The following AEBP2 variants were observed in gnomAD, a reference collection of about 807,000 sequenced individuals.
AEBP2 encodes AE binding protein 2.
Under a neutral mutation model 50.8 loss-of-function variants are expected in AEBP2, and 10 were observed. The observed-to-expected ratio is 0.20, with a 90% CI of 0.12 to 0.33. The LOEUF (loss-of-function observed/expected upper bound fraction) is 0.33, where lower values mean the gene tolerates loss of function less well. Ranked by LOEUF, AEBP2 falls within the 10% of genes least tolerant of loss-of-function variation. The pLI, the probability that AEBP2 is intolerant of heterozygous loss-of-function variation, is 1.00. For synonymous variants in AEBP2, 296 were observed against 261.3 expected (o/e 1.13, Z -1.28); for missense variants, 570 against 688.0 (o/e 0.83, Z 1.92).
chr12:19,440,663 C>T (rs1220236789), intron 1 of AEBP2: 4 of 1,532,054 alleles, frequency 2.6e-6, no homozygotes, highest in Non-Finnish European at 3.5e-6. Context: ...AAACAGTCCC[C>T]AAACGGGCCC....
rs112890313 is a variant in AEBP2, at chr12:19,465,869, A to G, written c.879+3152A>G. Among the ~76,000 whole-genome samples, 431 of 145,942 alleles carry G rather than the reference A, an allele frequency of 3.0e-3. 1 individual carries two copies. Among genetic ancestry groups the G allele is most frequent in the African/African-American group, 0.01 (407 of 39,388 alleles). On this transcript the variant is annotated intron_variant, in intron 2 of 7. Coordinates refer to ENST00000266508, the MANE Select transcript of AEBP2 (RefSeq NM_153207.5). Reference sequence around the variant, plus strand: ...TGCAGTGGCACGACCTCAGCTCACTACAGCCTCCGTCTCCTGGGTTCAAGC... The same window carrying G: ...TGCAGTGGCACGACCTCAGCTCACTGCAGCCTCCGTCTCCTGGGTTCAAGC...
intron 1 of AEBP2, among the ~76,000 whole-genome samples, chr12:19,462,108 A>G (rs1478253035): frequency 6.6e-6 from 1 of 152,204 alleles, no homozygotes; most frequent in Non-Finnish European, 1.5e-5. Context: ...TTGCAGAGCT[A>G]TAAAGATAAT....
rs879404142 is a variant in AEBP2 at position 19,415,666 on chromosome 12, CAAT to C, written c.-17+11452_-17+11454del. ...GATGAGAGATTAAATCAATACAATA[CAAT>C]ACAATACAATACAATACAATACAAT... On this transcript the variant is annotated intron_variant, in intron 1 of 3. Coordinates refer to the AEBP2 transcript ENST00000538425. 4.8e-3 allele frequency among the ~76,000 whole-genome samples: 710 copies of C among 147,242 alleles called. 4 individuals carry two copies. The highest frequency in any genetic ancestry group is 7.5e-3 in the Non-Finnish European group (500 of 67,090).
intron 1 of AEBP2, among the ~76,000 whole-genome samples, chr12:19,427,200 A>T (rs928732547): frequency 6.6e-6 from 1 of 151,986 alleles, no homozygotes; most frequent in Non-Finnish European, 1.5e-5. Flanking sequence ...AACATGGTGA[A>T]ACCCCATCTC....
chr12:19,514,893 A>AT, intron 7 of AEBP2, 109 bp downstream of exon 7: 2 of 755,454 alleles, frequency 2.6e-6, no homozygotes, highest in Non-Finnish European at 4.3e-6. Context: ...AATACCAAGC[A>AT]TATCTCATTA....
intron 1 of AEBP2, among the ~76,000 whole-genome samples, chr12:19,418,441 G>A (rs1359257293): frequency 7.4e-6 from 1 of 135,552 alleles, no homozygotes; most frequent in African/African-American, 2.8e-5. Context: ...ATATTGCCCA[G>A]GCTAGTCTTG....
At chr12:19,491,018 A>G (rs1485231636) in intron 3 of AEBP2, among the ~76,000 whole-genome samples, 1 of 152,224 alleles carries the variant, frequency 6.6e-6, no homozygotes, top group East Asian at 1.9e-4. Flanking sequence ...AATAAAGTTA[A>G]AAATTCATTT....
rs1313091363 is a variant in AEBP2 at position 19,439,685 on chromosome 12, G to GGAA, written c.-13_-12insAGA. 7 of 1,517,530 alleles carry GGAA rather than the reference G, an allele frequency of 4.6e-6. No homozygotes were observed. The East Asian group carries it at 1.1e-4, about 23-fold the overall frequency. The allele number at this position is 1,517,530 out of a possible 1,614,324, so 94.0% of individuals were successfully genotyped here. A position where few individuals can be genotyped will look rare whatever the true frequency, so the allele number is the denominator to read the frequency against. On this transcript the variant is annotated 5_prime_UTR_variant, in exon 1 of 8. Transcript: ENST00000266508. ...GCGGTGGGGAGGAGGAGGAGGAGGAGGAGCAGGCGCCGCCATGGCCGCCGC... is the reference window on the plus strand; with the variant it reads ...GCGGTGGGGAGGAGGAGGAGGAGGAGGAAGAGCAGGCGCCGCCATGGCCGCCGC...
chr12:19,469,446 A>G (rs752025819), intron 2 of AEBP2, among the ~76,000 whole-genome samples: 6 of 152,196 alleles, frequency 3.9e-5, no homozygotes, highest in Non-Finnish European at 8.8e-5. Context: ...TGAAAAAGGA[A>G]GTAGATGATT....
chr12:19,498,558 A>G (rs1374335904), intron 4 of AEBP2, among the ~76,000 whole-genome samples: 2 of 152,222 alleles, frequency 1.3e-5, no homozygotes. Flanking sequence ...GGAAATCAGC[A>G]TATATGTAAT....
At position 19,520,896 on chromosome 12, in the gene AEBP2, G is replaced by C. The variant is rs1197625368; in HGVS notation, c.*2779G>C. 6.6e-6 allele frequency: 1 copy of C among 152,110 alleles called. No homozygotes were observed. Among genetic ancestry groups the C allele is most frequent in the East Asian group, 1.9e-4 (1 of 5,184 alleles). 9.4% of individuals were successfully genotyped at this position (152,110 alleles called of 1,614,324 possible). On this transcript the variant is annotated 3_prime_UTR_variant, in exon 8 of 8. Transcript: ENST00000266508. ...TTCCACGCCTGACCTCATGTGACTG[G>C]TCATAGTCAAAACAATTAAGACTTT... is the stretch of plus-strand genomic sequence containing the variant.
intron 7 of AEBP2, among the ~76,000 whole-genome samples, chr12:19,517,534 T>C (rs1949337343): frequency 6.6e-6 from 1 of 152,248 alleles, no homozygotes; most frequent in African/African-American, 2.4e-5. Flanking sequence ...TGATTTAAAG[T>C]ATACAGAAGG....
At chr12:19,475,744 G>A (rs1948640338) in intron 3 of AEBP2, among the ~76,000 whole-genome samples, 1 of 152,062 alleles carries the variant, frequency 6.6e-6, no homozygotes, top group Admixed American at 6.6e-5. Context: ...CCACATCCAT[G>A]CCAACATCTG....
rs563192287 is a variant in AEBP2, at chr12:19,460,800, G to A, written c.672-1710G>A. On this transcript the variant is annotated intron_variant, in intron 1 of 7. Transcript: ENST00000266508. ...CTCCCGAGTAGCTGGGACTGCAGGC[G>A]CACACTACCATGCCTGGCTAATTTT... 9.2e-5 allele frequency among the ~76,000 whole-genome samples: 14 copies of A among 151,974 alleles called. No individual in the cohort carries two copies. In the South Asian group the frequency reaches 2.1e-3, roughly 23 times the overall value.
chr12:19,448,361 T>A (rs2153367528), intron 1 of AEBP2, among the ~76,000 whole-genome samples: 1 of 152,272 alleles, frequency 6.6e-6, no homozygotes, highest in East Asian at 1.9e-4. Flanking sequence ...GGCGCATGCC[T>A]GTAATCCCAG....
upstream of AEBP2, among the ~76,000 whole-genome samples, chr12:19,435,463 C>T (rs762084019): frequency 1.3e-5 from 2 of 152,070 alleles, no homozygotes; most frequent in Non-Finnish European, 2.9e-5. Flanking sequence ...GCCTTGAACT[C>T]GTAACCTCAA....
At chr12:19,421,497 C>A (rs1372281321) in intron 1 of AEBP2, among the ~76,000 whole-genome samples, 3 of 152,010 alleles carry the variant, frequency 2.0e-5, no homozygotes, top group Admixed American at 2.0e-4. Context: ...TGGTATGTGC[C>A]TGTGGTCCCA....
chr12:19,450,420 G>A (rs1052446426), intron 1 of AEBP2, among the ~76,000 whole-genome samples: 1 of 150,736 alleles, frequency 6.6e-6, no homozygotes, highest in African/African-American at 2.4e-5. Context: ...CTGTCTGCCT[G>A]AATGGGTCAA....
chr12:19,419,602 A>T (rs79614739), intron 1 of AEBP2, among the ~76,000 whole-genome samples: 3 of 142,662 alleles, frequency 2.1e-5, no homozygotes, highest in African/African-American at 5.1e-5. Flanking sequence ...AAATAATAAT[A>T]AAAAAAAAAA....
Sources: allele counts gnomAD v4.1 joint callset (sites outside exome capture counted in the v4.1 genomes callset), GRCh38; gene constraint gnomAD v4.1.1; transcripts MANE v1.5; gene names NCBI Gene and HGNC (gene_info 2026-07-23, HGNC 2026-07-21).